TENM3: variants seen among roughly 807,000 people sequenced by gnomAD.
TENM3 encodes the protein teneurin transmembrane protein 3.
A neutral mutation model predicts 255.1 loss-of-function variants in TENM3; 63 were observed. That is an observed-to-expected ratio of 0.25 (90% CI 0.20 to 0.30). TENM3 has a LOEUF of 0.30. Ranked by LOEUF, TENM3 falls within the 10% of genes least tolerant of loss-of-function variation. TENM3 has a pLI of 1.00. For missense variants in TENM3, 2,929 were observed against 3,461.1 expected, an observed-to-expected ratio of 0.85 and a Z score of 3.86; for synonymous variants, 1,306 against 1,322.3, an observed-to-expected ratio of 0.99 and a Z score of 0.27.
chr4:182,541,331 A>G (rs1201347719), intron 3 of TENM3, among the ~76,000 whole-genome samples: 1 of 152,204 alleles, frequency 6.6e-6, no homozygotes, highest in East Asian at 1.9e-4. Flanking sequence ...TAGAAACGAA[A>G]TATTTTTGGA....
chr4:182,527,853 G>A (rs1739372806), intron 3 of TENM3, among the ~76,000 whole-genome samples: 1 of 152,032 alleles, frequency 6.6e-6, no homozygotes. Flanking sequence ...TCAGCCTCCT[G>A]AGTAGCTGGG....
At chr4:181,928,233 G>A in the TENM3 span, among the ~76,000 whole-genome samples, 3 of 151,964 alleles carry the variant, frequency 2.0e-5, no homozygotes, top group South Asian at 6.2e-4. Context: ...AAACTCCCCT[G>A]AGCTAAAGGA....
the TENM3 span, among the ~76,000 whole-genome samples, chr4:181,938,214 A>T: frequency 6.6e-6 from 1 of 152,188 alleles, no homozygotes; most frequent in Non-Finnish European, 1.5e-5. Flanking sequence ...ATGTTATCAG[A>T]TGTCTTTATT....
chr4:182,579,894 T>G (rs1745320794), intron 3 of TENM3, among the ~76,000 whole-genome samples: 2 of 152,186 alleles, frequency 1.3e-5, no homozygotes, highest in Non-Finnish European at 1.5e-5. Flanking sequence ...TGAGGTTTAG[T>G]GCTGGCTACA....
chr4:181,720,187 A>T, the TENM3 span, among the ~76,000 whole-genome samples: 1 of 152,196 alleles, frequency 6.6e-6, no homozygotes, highest in African/African-American at 2.4e-5. Context: ...ACAGAATCGC[A>T]TTCTTTGAGA....
the TENM3 span, among the ~76,000 whole-genome samples, chr4:181,857,556 A>AC: frequency 0.076 from 8,362 of 109,986 alleles, 387 homozygotes; most frequent in Admixed American, 0.11. Context: ...CTCTACAAAA[A>AC]AAAAAAAAAA....
the TENM3 span, among the ~76,000 whole-genome samples, chr4:181,605,130 AT>A: frequency 6.6e-6 from 1 of 151,974 alleles, no homozygotes; most frequent in Non-Finnish European, 1.5e-5. Flanking sequence ...AAAGAAAGAA[AT>A]ACGTAAGGGA....
At chr4:181,971,676 C>G in the TENM3 span, among the ~76,000 whole-genome samples, 1 of 152,184 alleles carries the variant, frequency 6.6e-6, no homozygotes, top group South Asian at 2.1e-4. Context: ...AAGCAATCCT[C>G]CCACCTCAGC....
chr4:181,968,016 C>A, the TENM3 span, among the ~76,000 whole-genome samples: 1 of 152,170 alleles, frequency 6.6e-6, no homozygotes, highest in African/African-American at 2.4e-5. Context: ...TTCAGTTCTG[C>A]TCCCAAATTC....
At chr4:182,220,515 T>C in intron 1 of TENM3, among the ~76,000 whole-genome samples, 1 of 151,856 alleles carries the variant, frequency 6.6e-6, no homozygotes, top group East Asian at 1.9e-4. Flanking sequence ...CAGTCTCTTC[T>C]GGCATCACGC....
the TENM3 span, among the ~76,000 whole-genome samples, chr4:181,564,506 C>T: frequency 6.6e-6 from 1 of 152,106 alleles, no homozygotes; most frequent in African/African-American, 2.4e-5. Context: ...GGAATAAGCC[C>T]CATGTCCAGT....
intron 1 of TENM3, among the ~76,000 whole-genome samples, chr4:182,209,482 T>C (rs1296364484): frequency 6.6e-6 from 1 of 151,934 alleles, no homozygotes; most frequent in Non-Finnish European, 1.5e-5. Context: ...GCAGACCCAG[T>C]CTTTGCTGTC....
At chr4:181,873,361 G>A in the TENM3 span, among the ~76,000 whole-genome samples, 8 of 152,196 alleles carry the variant, frequency 5.3e-5, no homozygotes, top group South Asian at 2.1e-4. Flanking sequence ...GAGCCACCAC[G>A]CCCGGCCTAA....
intron 1 of TENM3, chr4:182,145,113 G>C (rs1422812820): frequency 1.3e-5 from 2 of 152,136 alleles, no homozygotes; most frequent in African/African-American, 2.4e-5. Flanking sequence ...GGTCCTCTTC[G>C]GCCCCCGATG....
chr4:181,649,270 G>T, the TENM3 span, among the ~76,000 whole-genome samples: 30 of 152,192 alleles, frequency 2.0e-4, no homozygotes, highest in African/African-American at 6.3e-4. Flanking sequence ...AGTGATTGAG[G>T]CTGGTGATTA....
chr4:182,030,289 T>C, the TENM3 span, among the ~76,000 whole-genome samples: 1 of 151,936 alleles, frequency 6.6e-6, no homozygotes, highest in Non-Finnish European at 1.5e-5. Context: ...TGTGTTCATG[T>C]GTTCTCATTG....
intron 1 of TENM3, among the ~76,000 whole-genome samples, chr4:182,182,202 A>G (rs1203372789): frequency 6.6e-6 from 1 of 152,132 alleles, no homozygotes; most frequent in Non-Finnish European, 1.5e-5. Flanking sequence ...TCTGGGATAT[A>G]TCATTTCAAG....
the TENM3 span, among the ~76,000 whole-genome samples, chr4:181,856,908 T>A: frequency 6.6e-6 from 1 of 152,162 alleles, no homozygotes; most frequent in Admixed American, 6.5e-5. Context: ...AGACTTGGGT[T>A]TCAGGGCTTA....
intron 3 of TENM3, among the ~76,000 whole-genome samples, chr4:182,547,481 C>A (rs1741559642): frequency 6.6e-6 from 1 of 151,800 alleles, no homozygotes; most frequent in Non-Finnish European, 1.5e-5. Context: ...TTAGTTTTTC[C>A]CTTTGTTTTC....
Sources: allele counts gnomAD v4.1 joint callset (sites outside exome capture counted in the v4.1 genomes callset), GRCh38; gene constraint gnomAD v4.1.1; transcripts MANE v1.5; gene names NCBI Gene and HGNC (gene_info 2026-07-23, HGNC 2026-07-21).